UBXN7: variants seen among roughly 807,000 people sequenced by gnomAD.
The protein encoded by UBXN7 is UBX domain protein 7.
UBXN7 carries 9 observed loss-of-function variants against 58.0 expected under a neutral mutation model. The observed-to-expected ratio is 0.16, with a 90% CI of 0.09 to 0.27. The LOEUF (loss-of-function observed/expected upper bound fraction) is 0.27, where lower values mean the gene tolerates loss of function less well. Ranked by LOEUF, UBXN7 falls within the 10% of genes least tolerant of loss-of-function variation. The pLI is 1.00. For synonymous variants in UBXN7, 208 were observed against 205.0 expected, an observed-to-expected ratio of 1.01 and a Z score of -0.12; for missense variants, 328 against 599.6, an observed-to-expected ratio of 0.55 and a Z score of 4.73.
At chr3:196,431,425 G>A (rs2108630789) in intron 1 of UBXN7, 1 of 152,738 alleles carries the variant, frequency 6.5e-6, no homozygotes, top group East Asian at 1.9e-4. Context: ...ATGGCTTTAG[G>A]GCCTTTCCTC....
intron 1 of UBXN7, among the ~76,000 whole-genome samples, chr3:196,425,870 T>A (rs564747646): frequency 9.1e-4 from 138 of 152,276 alleles, no homozygotes; most frequent in Non-Finnish European, 1.0e-3. Context: ...CTCCCTCTTT[T>A]GTGCTCCAGT....
intron 1 of UBXN7, chr3:196,431,849 C>T (rs1251627730): frequency 5.2e-6 from 2 of 382,630 alleles, no homozygotes; most frequent in Non-Finnish European, 5.3e-6. Context: ...CCGAGGGGCC[C>T]AGAAAGGGGA....
intron 1 of UBXN7, among the ~76,000 whole-genome samples, chr3:196,407,826 G>A (rs1264216552): frequency 2.6e-5 from 4 of 152,068 alleles, no homozygotes; most frequent in Non-Finnish European, 4.4e-5. Flanking sequence ...CAGGCTGGGC[G>A]CAGTGGCTCA....
intron 10 of UBXN7, among the ~76,000 whole-genome samples, chr3:196,359,547 C>T (rs888071000): frequency 3.3e-5 from 5 of 152,160 alleles, no homozygotes; most frequent in Non-Finnish European, 5.9e-5. Context: ...CACCAAACAG[C>T]CAAGCTGTGA....
At chr3:196,389,482 T>C (rs576532260) in intron 5 of UBXN7, among the ~76,000 whole-genome samples, 1 of 152,334 alleles carries the variant, frequency 6.6e-6, no homozygotes. Flanking sequence ...CTGATATGGT[T>C]TGGAAATTTG....
chr3:196,359,255 C>A (rs1261219165), intron 10 of UBXN7, among the ~76,000 whole-genome samples: 7 of 152,168 alleles, frequency 4.6e-5, no homozygotes, highest in African/African-American at 1.2e-4. Flanking sequence ...TTGGGCACCA[C>A]AAACCACGCC....
At chr3:196,370,857 C>CAA (rs11347018) in intron 6 of UBXN7, among the ~76,000 whole-genome samples, 54 of 86,268 alleles carry the variant, frequency 6.3e-4, no homozygotes, top group African/African-American at 8.0e-4. Context: ...CCCATCTCTA[C>CAA]AAAAAAAAAA....
chr3:196,408,545 C>G (rs1730231840), intron 1 of UBXN7, among the ~76,000 whole-genome samples: 1 of 152,026 alleles, frequency 6.6e-6, no homozygotes, highest in South Asian at 2.1e-4. Flanking sequence ...AAAAGCACCT[C>G]AAGCTTTCCA....
Position 196,355,613 on chromosome 3 carries a change from C to T in UBXN7, c.*1072G>A, listed in dbSNP as rs187340201. ...TTCAGTCACCAGAGCCTTTTAGAGA[C>T]TATTCCAACCAGGGGCAAAAAATGA... On this transcript the variant is annotated 3_prime_UTR_variant, in exon 11 of 11. Coordinates refer to ENST00000296328, the MANE Select transcript of UBXN7 (RefSeq NM_015562.2). The T allele has an allele frequency of 6.6e-6, 1 of 152,324 alleles. No homozygotes were observed. The highest frequency in any genetic ancestry group is 2.4e-5 in the African/African-American group (1 of 41,566). The allele number at this position is 152,324 out of a possible 1,614,324, so 9.4% of individuals were successfully genotyped here.
intron 5 of UBXN7, 129 bp from the exon 6 acceptor site, chr3:196,372,171 T>C (rs1728852760): frequency 1.0e-6 from 1 of 984,080 alleles, no homozygotes. Flanking sequence ...CATCTAGAGT[T>C]TTCAGCATTT....
chr3:196,381,805 G>A (rs1483301029), intron 5 of UBXN7, among the ~76,000 whole-genome samples: 2 of 152,180 alleles, frequency 1.3e-5, no homozygotes, highest in Non-Finnish European at 2.9e-5. Flanking sequence ...ATGACCTGAT[G>A]GAGCTGAAAA....
chr3:196,366,818 G>A (rs1728680008), intron 8 of UBXN7, among the ~76,000 whole-genome samples: 1 of 152,136 alleles, frequency 6.6e-6, no homozygotes. Flanking sequence ...GAGCCCAAGA[G>A]GTGGAGGCTG....
At chr3:196,369,122 C>T (rs576335789) in intron 7 of UBXN7, among the ~76,000 whole-genome samples, 2 of 152,238 alleles carry the variant, frequency 1.3e-5, no homozygotes, top group Admixed American at 6.5e-5. Flanking sequence ...CCACGCCCAG[C>T]TGGTAAAAAA....
chr3:196,393,747 T>C lies in UBXN7; in HGVS notation c.290-128A>G, dbSNP rs563177040. The stretch of plus-strand genomic sequence containing the variant: ...CCCTTCACGAACTGCATGTCACCCT[T>C]GCACAGGGGCCGTGCTAATCTCTGT... On this transcript the variant is annotated intron_variant, in intron 3 of 10. Coordinates refer to ENST00000296328, the MANE Select transcript of UBXN7 (RefSeq NM_015562.2). 1.4e-4 allele frequency: 114 copies of C among 808,264 alleles called. 1 individual carries two copies. The South Asian group carries it at 2.0e-3, about 14-fold the overall frequency. The allele number at this position is 808,264 out of a possible 1,614,324, so 50.1% of individuals were successfully genotyped here. A position where few individuals can be genotyped will look rare whatever the true frequency, so the allele number is the denominator to read the frequency against.
intron 1 of UBXN7, among the ~76,000 whole-genome samples, chr3:196,409,445 T>C (rs953539393): frequency 6.6e-6 from 1 of 152,078 alleles, no homozygotes; most frequent in Non-Finnish European, 1.5e-5. Flanking sequence ...TTTGTGTGAT[T>C]TGTGATTTTT....
intron 2 of UBXN7, 55 bp downstream of exon 2, chr3:196,407,191 C>A: frequency 1.3e-6 from 2 of 1,569,246 alleles, no homozygotes; most frequent in Non-Finnish European, 1.7e-6. Context: ...GATAAAAATG[C>A]AACTACTTAA....
intron 5 of UBXN7, among the ~76,000 whole-genome samples, chr3:196,383,154 G>A (rs1729267594): frequency 6.6e-6 from 1 of 151,626 alleles, no homozygotes; most frequent in Non-Finnish European, 1.5e-5. Flanking sequence ...CACAGGGGTT[G>A]CAATCCTAGT....
At chr3:196,363,944 G>A (rs1310356264) in intron 8 of UBXN7, among the ~76,000 whole-genome samples, 1 of 150,302 alleles carries the variant, frequency 6.7e-6, no homozygotes, top group African/African-American at 2.4e-5. Context: ...AAATCAAAAC[G>A]AACAAAATCA....
chr3:196,380,293 C>T (rs1259759554), intron 5 of UBXN7, among the ~76,000 whole-genome samples: 1 of 151,536 alleles, frequency 6.6e-6, no homozygotes, highest in African/African-American at 2.4e-5. Flanking sequence ...GAATGAAGAA[C>T]AGCCACTCCA....
Sources: gnomAD v4.1 joint callset for allele counts (sites outside exome capture counted in the v4.1 genomes callset) on GRCh38, gnomAD v4.1.1 for gene constraint, MANE v1.5 for transcripts, NCBI Gene and HGNC (gene_info 2026-07-23, HGNC 2026-07-21) for gene names.